Variants in CAMTA1 observed in about 807,000 individuals in gnomAD.
The protein encoded by CAMTA1 is calmodulin-binding transcription activator 1.
A neutral mutation model predicts 170.9 loss-of-function variants in CAMTA1; 27 were observed. That is an observed-to-expected ratio of 0.16 (90% CI 0.12 to 0.22). The LOEUF is 0.22. Ranked by LOEUF, CAMTA1 falls within the 10% of genes least tolerant of loss-of-function variation. The probability of loss-of-function intolerance (pLI) is 1.00; values close to 1 mark genes in which losing one functional copy is unlikely to be tolerated. For missense variants in CAMTA1, 1,619 were observed against 2,217.2 expected, an observed-to-expected ratio of 0.73 and a Z score of 5.42; for synonymous variants, 833 against 891.5, an observed-to-expected ratio of 0.93 and a Z score of 1.17.
At chr1:7,621,061 C>T (rs889512480) in intron 6 of CAMTA1, among the ~76,000 whole-genome samples, 5 of 151,962 alleles carry the variant, frequency 3.3e-5, no homozygotes, top group African/African-American at 9.7e-5. Context: ...ATCAATGTTC[C>T]GTCCAATGCT....
Position 7,443,051 on chromosome 1 carries a change from G to A in CAMTA1, c.439-24779G>A, listed in dbSNP as rs905387431. On this transcript the variant is annotated intron_variant, in intron 5 of 22. Transcript: ENST00000303635. This position sits in a 1 kb window ranked among gnomAD's most constrained non-coding sequence, Gnocchi z 4.1. ...GCCTGTGGTCTCTCCTTGCCCCTGC[G>A]CAGATCCTCCTCCTGACTTCTTGGC... Among the ~76,000 whole-genome samples, 11 of 151,476 alleles carry A rather than the reference G, an allele frequency of 7.3e-5. No individual in the cohort carries two copies. The highest frequency in any genetic ancestry group is 3.9e-4 in the Admixed American group (6 of 15,236).
At chr1:7,671,135 C>T (rs904544451) in intron 10 of CAMTA1, 98 bp downstream of exon 10, 2 of 1,339,058 alleles carry the variant, frequency 1.5e-6, no homozygotes, top group Non-Finnish European at 2.1e-6. Context: ...CAGGTCATGT[C>T]CTTACTCTAG....
rs573470615 is a variant in CAMTA1, at chr1:7,234,045, C to A, written c.303-15446C>A. On this transcript the variant is annotated intron_variant, in intron 4 of 22. Coordinates refer to ENST00000303635, the MANE Select transcript of CAMTA1 (RefSeq NM_015215.4). The surrounding 1 kb of genome is among the most constrained non-coding windows in gnomAD (Gnocchi z 5.0). ...ACATTTGTATTAAGATTGGAGTCCT[C>A]GCTTTTCCTTCATCGCTGTTAATAC... 2.0e-4 allele frequency among the ~76,000 whole-genome samples: 30 copies of A among 152,300 alleles called. No individual in the cohort carries two copies. Among genetic ancestry groups the A allele is most frequent in the African/African-American group, 7.0e-4 (29 of 41,588 alleles).
intron 4 of CAMTA1, among the ~76,000 whole-genome samples, chr1:7,110,667 C>T (rs568887015): frequency 8.5e-5 from 13 of 152,162 alleles, no homozygotes; most frequent in Admixed American, 2.0e-4. Context: ...GAAGCTGGGT[C>T]GGATTCCTGC....
Position 7,661,872 on chromosome 1 carries a change from C to T in CAMTA1, c.805+6C>T. 1.3e-6 allele frequency: 2 copies of T among 1,598,870 alleles called. No homozygotes were observed. Among genetic ancestry groups the T allele is most frequent in the Non-Finnish European group, 1.7e-6 (2 of 1,172,872 alleles). On this transcript the variant is annotated splice_donor_region_variant and intron_variant, in intron 8 of 22. Transcript: ENST00000303635. ...CCTCTGCACCGGCAGCCTGGGTGAG[C>T]CGGGGCTCCCGGGGCAGGCGGGCGC...
intron 6 of CAMTA1, among the ~76,000 whole-genome samples, chr1:7,581,130 G>A (rs745579122): frequency 9.2e-5 from 14 of 152,198 alleles, no homozygotes; most frequent in Non-Finnish European, 1.6e-4. Flanking sequence ...GCTGGGCACC[G>A]TGTTGCGAGA....
At chr1:7,206,508 G>A (rs777025739) in intron 4 of CAMTA1, among the ~76,000 whole-genome samples, 21 of 152,050 alleles carry the variant, frequency 1.4e-4, no homozygotes, top group Non-Finnish European at 2.6e-4. Context: ...TTTTTTGTGT[G>A]TTCGAGTTAT....
At chr1:6,814,388 C>T (rs577397617) in intron 1 of CAMTA1, among the ~76,000 whole-genome samples, 3 of 152,268 alleles carry the variant, frequency 2.0e-5, no homozygotes, top group South Asian at 4.1e-4. Context: ...GTGAGAGCAA[C>T]GAAGTGTGCC....
chr1:6,813,734 G>A lies in CAMTA1; in HGVS notation c.46-6447G>A, dbSNP rs965132051. Among the ~76,000 whole-genome samples, 9 of 151,924 alleles carry A rather than the reference G, an allele frequency of 5.9e-5. No individual in the cohort carries two copies. In the East Asian group the frequency reaches 7.7e-4, roughly 13 times the overall value. ...ACTCCTGGGCTCAAACAGTCCTCCC[G>A]CCTCAGCCTCCCAGGTAGCTGGGAC... On this transcript the variant is annotated intron_variant, in intron 1 of 22. Transcript: ENST00000303635.
rs1336031056 is a variant in CAMTA1 at position 7,325,948 on chromosome 1, TC to T, written c.438+76325del. Reference sequence around the variant, plus strand: ...ATCTTGGCTCATTGCAACCGCTGCCTCCCAGGTTCAAGTGATTCTCATGCCT... The same window carrying T: ...ATCTTGGCTCATTGCAACCGCTGCCTCCAGGTTCAAGTGATTCTCATGCCT... On this transcript the variant is annotated intron_variant, in intron 5 of 22. Transcript: ENST00000303635. This position sits in a 1 kb window ranked among gnomAD's most constrained non-coding sequence, Gnocchi z 5.0. Among the ~76,000 whole-genome samples, 5 of 152,174 alleles carry T rather than the reference TC, an allele frequency of 3.3e-5. No individual in the cohort carries two copies. The highest frequency in any genetic ancestry group is 1.2e-4 in the African/African-American group (5 of 41,452).
At chr1:7,155,827 A>G (rs966524398) in intron 4 of CAMTA1, among the ~76,000 whole-genome samples, 1 of 152,134 alleles carries the variant, frequency 6.6e-6, no homozygotes, top group Admixed American at 6.5e-5. Context: ...TCCAAATGAC[A>G]CATCTCCCTG....
intron 3 of CAMTA1, among the ~76,000 whole-genome samples, chr1:6,933,719 A>C (rs1220006865): frequency 1.3e-5 from 2 of 150,616 alleles, no homozygotes; most frequent in African/African-American, 4.9e-5. Context: ...CTATTTGTGG[A>C]AAAGACTCCT....
intron 3 of CAMTA1, among the ~76,000 whole-genome samples, chr1:7,009,401 C>G (rs1699473498): frequency 6.6e-6 from 1 of 152,192 alleles, no homozygotes; most frequent in African/African-American, 2.4e-5. Flanking sequence ...GTTCCAGGAC[C>G]CAGGTCCAGC....
At chr1:7,008,837 G>A (rs1699383398) in intron 3 of CAMTA1, 1 of 152,234 alleles carries the variant, frequency 6.6e-6, no homozygotes, top group Admixed American at 6.5e-5. Flanking sequence ...GCTATTTAGT[G>A]AATGAAATAT....
chr1:6,987,634 T>C (rs1695580680), intron 3 of CAMTA1, among the ~76,000 whole-genome samples: 1 of 152,194 alleles, frequency 6.6e-6, no homozygotes, highest in Admixed American at 6.5e-5. Flanking sequence ...GAACAAACAG[T>C]GAGGCTGTGG....
At position 7,044,580 on chromosome 1, in the gene CAMTA1, C is replaced by T. The variant is rs1011282722; in HGVS notation, c.235-46724C>T. Among the ~76,000 whole-genome samples, 1 of 152,164 alleles carries T rather than the reference C, an allele frequency of 6.6e-6. No individual in the cohort carries two copies. The highest frequency in any genetic ancestry group is 6.5e-5 in the Admixed American group (1 of 15,284). On this transcript the variant is annotated intron_variant, in intron 3 of 22. Transcript: ENST00000303635. This position sits in a 1 kb window ranked among gnomAD's most constrained non-coding sequence, Gnocchi z 5.0. ...AGCAGATGGGTGATGGGGCCTCTAG[C>T]GGGCAGATTCTGTGGTGGCGCTGAA...
Position 7,680,825 on chromosome 1 carries a change from T to G in CAMTA1, c.2914+3092T>G, listed in dbSNP as rs2096188671. Among the ~76,000 whole-genome samples, 1 of 132,274 alleles carries G rather than the reference T, an allele frequency of 7.6e-6. No homozygotes were observed. The allele number at this position is 132,274 out of a possible 152,430, so 86.8% of individuals were successfully genotyped here. ...GCTAAAGGCCGGGGGGGGGCGTGGG[T>G]CCGGGGCGCAGAGAACACGCGCGCG... On this transcript the variant is annotated intron_variant, in intron 11 of 22. Coordinates refer to ENST00000303635, the MANE Select transcript of CAMTA1 (RefSeq NM_015215.4). This position sits in a 1 kb window ranked among gnomAD's most constrained non-coding sequence, Gnocchi z 4.4.
At chr1:7,494,526 G>A (rs901942059) in intron 6 of CAMTA1, among the ~76,000 whole-genome samples, 9 of 152,130 alleles carry the variant, frequency 5.9e-5, no homozygotes, top group African/African-American at 1.7e-4. Context: ...AAGAGGGGCC[G>A]GGTGCGGTGG....
intron 5 of CAMTA1, among the ~76,000 whole-genome samples, chr1:7,371,423 A>AT (rs1004689368): frequency 3.3e-5 from 5 of 150,958 alleles, no homozygotes; most frequent in South Asian, 4.2e-4. Context: ...CGCCTGGCTA[A>AT]TTTTTTTTGC....
Sources: gnomAD v4.1 joint callset for allele counts (sites outside exome capture counted in the v4.1 genomes callset) on GRCh38, gnomAD v4.1.1 for gene constraint, Gnocchi (gnomAD v3.1) non-coding constraint, MANE v1.5 for transcripts, NCBI Gene and HGNC (gene_info 2026-07-23, HGNC 2026-07-21) for gene names.